ZHX3: variants seen among roughly 807,000 people sequenced by gnomAD.
ZHX3 encodes the protein zinc fingers and homeoboxes protein 3.
In ZHX3, 20 loss-of-function variants were observed where a neutral mutation model predicts 64.5. The ratio of observed to expected loss-of-function variants is 0.31; its 90% CI spans 0.22 to 0.45. The LOEUF is 0.45. ZHX3 is among the 20% of genes least tolerant of loss of function. The pLI is 1.00. For synonymous variants in ZHX3, 423 were observed against 461.6 expected (o/e 0.92, Z 1.07); for missense variants, 1,041 against 1,195.8 (o/e 0.87, Z 1.91).
chr20:41,312,649 G>A (rs1428492565), intron 1 of ZHX3, among the ~76,000 whole-genome samples: 1 of 152,206 alleles, frequency 6.6e-6, no homozygotes, highest in Non-Finnish European at 1.5e-5. Context: ...CCCCTCTGAG[G>A]AGGAGATGTT....
intron 3 of ZHX3, among the ~76,000 whole-genome samples, chr20:41,189,712 C>G (rs532617306): frequency 6.6e-6 from 1 of 152,088 alleles, no homozygotes. Flanking sequence ...AATTTGCTTA[C>G]CAGCTTTAAG....
intron 1 of ZHX3, among the ~76,000 whole-genome samples, chr20:41,313,308 C>T (rs2045195304): frequency 6.6e-6 from 1 of 152,032 alleles, no homozygotes; most frequent in Non-Finnish European, 1.5e-5. Flanking sequence ...GCTAAAACTG[C>T]AAGTCTGGAA....
intron 1 of ZHX3, among the ~76,000 whole-genome samples, chr20:41,270,593 G>C (rs1313309610): frequency 6.6e-6 from 1 of 151,152 alleles, no homozygotes. Flanking sequence ...GGAGAATAGC[G>C]TGAACCCGGG....
At chr20:41,233,771 T>C (rs772284345) in intron 2 of ZHX3, among the ~76,000 whole-genome samples, 2 of 152,176 alleles carry the variant, frequency 1.3e-5, no homozygotes, top group African/African-American at 2.4e-5. Context: ...GCAGGACTTA[T>C]GCTAAAAACA....
intron 1 of ZHX3, among the ~76,000 whole-genome samples, chr20:41,286,541 G>A (rs1253901560): frequency 2.0e-5 from 3 of 151,394 alleles, no homozygotes; most frequent in Admixed American, 6.5e-5. Flanking sequence ...TTGGAATGTT[G>A]CTACTCTTTC....
chr20:41,223,133 T>G (rs2146342557), intron 2 of ZHX3, among the ~76,000 whole-genome samples: 1 of 152,284 alleles, frequency 6.6e-6, no homozygotes. Flanking sequence ...TTTCACTTAC[T>G]TTGGAAAGGC....
rs551401571 is a variant in ZHX3, at chr20:41,179,845, G to T, written c.*5346C>A. 6.6e-6 allele frequency: 1 copy of T among 152,308 alleles called. No homozygotes were observed. Among genetic ancestry groups the T allele is most frequent in the East Asian group, 1.9e-4 (1 of 5,176 alleles). The allele number at this position is 152,308 out of a possible 1,614,324, so 9.4% of individuals were successfully genotyped here. On this transcript the variant is annotated 3_prime_UTR_variant, in exon 4 of 4. Coordinates refer to ENST00000683867, the MANE Select transcript of ZHX3 (RefSeq NM_001384317.1). The surrounding 1 kb of genome is among the most constrained non-coding windows in gnomAD (Gnocchi z 4.3). ...GGGTTTCACCATGCCGATCAGGCTG[G>T]TCTCGAACTCCTGACCTCAGGTGAT...
intron 1 of ZHX3, among the ~76,000 whole-genome samples, chr20:41,280,812 C>A (rs1242907287): frequency 1.3e-5 from 2 of 151,692 alleles, no homozygotes; most frequent in Non-Finnish European, 2.9e-5. Context: ...CTGATGAATT[C>A]TCCCAAACCA....
intron 2 of ZHX3, among the ~76,000 whole-genome samples, chr20:41,268,352 A>G (rs1277832018): frequency 8.5e-6 from 1 of 117,572 alleles, no homozygotes; most frequent in Non-Finnish European, 1.6e-5. Flanking sequence ...TGAAGGCTCT[A>G]TTTACAATGA....
In ZHX3 at chr20:41,261,574, G is replaced by T. The variant is rs6029597; in HGVS notation, c.-151+7416C>A. On this transcript the variant is annotated intron_variant, in intron 2 of 3. Transcript: ENST00000683867. ...TCTCCTCTACTTCTTTCTCTAGCAT[G>T]GATGTGGCATTTGGGCCTGTTGTGA... is the stretch of plus-strand genomic sequence containing the variant. Among the ~76,000 whole-genome samples the T allele has an allele frequency of 7.8e-3, 1,187 of 152,280 alleles. 11 individuals are homozygous for T. The highest frequency in any genetic ancestry group is 0.027 in the African/African-American group (1,124 of 41,546).
At position 41,184,119 on chromosome 20, in the gene ZHX3, A is replaced by C. The variant is rs1302340852; in HGVS notation, c.*1072T>G. Reference sequence around the variant, plus strand: ...TGCTAAAGACCACCCTACCTCTGATAATTCCAAGAAGTCAACAAATCCCTC... The same window carrying C: ...TGCTAAAGACCACCCTACCTCTGATCATTCCAAGAAGTCAACAAATCCCTC... On this transcript the variant is annotated 3_prime_UTR_variant, in exon 4 of 4. Coordinates refer to ENST00000683867, the MANE Select transcript of ZHX3 (RefSeq NM_001384317.1). 6.6e-6 allele frequency: 1 copy of C among 152,194 alleles called. No homozygotes were observed. Among genetic ancestry groups the C allele is most frequent in the Non-Finnish European group, 1.5e-5 (1 of 68,080 alleles). 9.4% of individuals were successfully genotyped at this position (152,194 alleles called of 1,614,324 possible). A position where few individuals can be genotyped will look rare whatever the true frequency, so the allele number is the denominator to read the frequency against.
intron 1 of ZHX3, among the ~76,000 whole-genome samples, chr20:41,314,555 G>C (rs1260648328): frequency 6.6e-6 from 1 of 152,138 alleles, no homozygotes. Flanking sequence ...AACATAACTG[G>C]GAAACTTTAT....
chr20:41,261,163 T>C (rs915716717), intron 2 of ZHX3, among the ~76,000 whole-genome samples: 2 of 151,172 alleles, frequency 1.3e-5, no homozygotes, highest in Non-Finnish European at 2.9e-5. Context: ...CTGAAAACAA[T>C]GTGAGAAGGA....
At chr20:41,240,476 A>T (rs2146444666) in intron 2 of ZHX3, among the ~76,000 whole-genome samples, 2 of 152,344 alleles carry the variant, frequency 1.3e-5, no homozygotes, top group Middle Eastern at 6.8e-3. Flanking sequence ...CATGTGACGC[A>T]TAATAATCAC....
chr20:41,304,394 C>T (rs1223799295), intron 1 of ZHX3, among the ~76,000 whole-genome samples: 1 of 152,158 alleles, frequency 6.6e-6, no homozygotes, highest in Admixed American at 6.5e-5. Flanking sequence ...ACGTGCCTGC[C>T]AGTATTTCCA....
intron 1 of ZHX3, chr20:41,300,185 G>C (rs1380762083): frequency 6.6e-6 from 1 of 152,164 alleles, no homozygotes; most frequent in Non-Finnish European, 1.5e-5. Flanking sequence ...CAAAATATGA[G>C]ACACATGTAA....
In ZHX3 at chr20:41,185,060, C is replaced by T. The variant is rs1456825977; in HGVS notation, c.*131G>A. 5 of 1,553,272 alleles carry T rather than the reference C, an allele frequency of 3.2e-6. No individual in the cohort carries two copies. Among genetic ancestry groups the T allele is most frequent in the Non-Finnish European group, 4.4e-6 (5 of 1,147,660 alleles). ...AGGCTCTGGGCTGTCTGCGAGGATT[C>T]TGGAAGCTCTCCCAGGTGCCCAGCA... is the stretch of plus-strand genomic sequence containing the variant. On this transcript the variant is annotated 3_prime_UTR_variant, in exon 4 of 4. Transcript: ENST00000683867. This position sits in a 1 kb window ranked among gnomAD's most constrained non-coding sequence, Gnocchi z 5.0.
chr20:41,195,019 T>C lies in ZHX3; in HGVS notation c.2860+7038A>G, dbSNP rs2146168334. On this transcript the variant is annotated intron_variant, in intron 3 of 3. Transcript: ENST00000683867. This position sits in a 1 kb window ranked among gnomAD's most constrained non-coding sequence, Gnocchi z 4.2. ...CTTTTGGTTTCATTGATTCTCTATATCTGCTCTAACCTTTATTTCCTTCCT... is the reference window on the plus strand; with the variant it reads ...CTTTTGGTTTCATTGATTCTCTATACCTGCTCTAACCTTTATTTCCTTCCT... Among the ~76,000 whole-genome samples the C allele has an allele frequency of 6.6e-6, 1 of 152,342 alleles. No homozygotes were observed. The highest frequency in any genetic ancestry group is 2.4e-5 in the African/African-American group (1 of 41,576).
Position 41,203,579 on chromosome 20 carries a change from C to T in ZHX3, c.1338G>A (p.Thr446=), listed in dbSNP as rs139219961. ...CTGGCTGCTTGGGGACGGATGTCAC[C>T]GTGAGGGGGAGAGGGGAACTTGTTG... is the stretch of plus-strand genomic sequence containing the variant. ...LQATSSPLPL[T]VTSVPKQPGV... Residue 446 remains threonine, a synonymous_variant, in exon 3 of 4, where the codon ACG becomes ACA. Transcript: ENST00000683867. The surrounding 1 kb of genome is among the most constrained non-coding windows in gnomAD (Gnocchi z 7.1). 3.1e-6 allele frequency: 5 copies of T among 1,614,178 alleles called. No individual in the cohort carries two copies. The highest frequency in any genetic ancestry group is 1.7e-4 in the Middle Eastern group (1 of 6,060).
Sources: allele counts gnomAD v4.1 joint callset (sites outside exome capture counted in the v4.1 genomes callset), GRCh38; gene constraint gnomAD v4.1.1; non-coding constraint Gnocchi (gnomAD v3.1); transcripts MANE v1.5; gene names NCBI Gene and HGNC (gene_info 2026-07-23, HGNC 2026-07-21).